NF1: variants seen among roughly 807,000 people sequenced by gnomAD.
NF1 encodes the protein neurofibromin.
Under a neutral mutation model 325.7 loss-of-function variants are expected in NF1, and 122 were observed. The ratio of observed to expected loss-of-function variants is 0.37; its 90% confidence interval spans 0.32 to 0.44. The LOEUF is 0.44. Among genes scored for constraint, NF1 ranks in the 20% least tolerant of loss-of-function variants. The probability of loss-of-function intolerance (pLI) is 1.00; values close to 1 mark genes in which losing one functional copy is unlikely to be tolerated. For synonymous variants in NF1, 1,091 were observed against 1,186.0 expected (o/e 0.92, Z 1.65); for missense variants, 2,140 against 3,415.4 (o/e 0.63, Z 9.31).
intron 12 of NF1, among the ~76,000 whole-genome samples, 157 bp downstream of exon 12, chr17:31,206,528 A>ATAC (rs1176781508): frequency 3.3e-5 from 5 of 151,848 alleles, no homozygotes; most frequent in Non-Finnish European, 5.9e-5. Flanking sequence ...ATATTGTTGA[A>ATAC]TACTAGATTA....
intron 1 of NF1, among the ~76,000 whole-genome samples, chr17:31,131,552 T>A (rs959435963): frequency 2.6e-5 from 4 of 152,228 alleles, no homozygotes; most frequent in Non-Finnish European, 4.4e-5. Context: ...CCTGATCCTC[T>A]GGGAGATGTT....
At chr17:31,156,193 A>T (rs536552872) in intron 2 of NF1, 67 bp downstream of exon 2, 4 of 1,563,330 alleles carry the variant, frequency 2.6e-6, no homozygotes, top group Non-Finnish European at 1.8e-6. Flanking sequence ...AAAGTTTAGA[A>T]CAGCATATTT....
Position 31,225,584 on chromosome 17 carries a change from C to T in NF1, c.2001+334C>T, listed in dbSNP as rs73273599. Among the ~76,000 whole-genome samples the T allele has an allele frequency of 7.9e-3, 1,196 of 152,218 alleles. 21 individuals carry two copies. The highest frequency in any genetic ancestry group is 0.028 in the African/African-American group (1,146 of 41,534). The stretch of plus-strand genomic sequence containing the variant: ...CCACTCCATAAAAAACCCATTCATA[C>T]CACAGAAGTATAGAATTCGTACCGG... On this transcript the variant is annotated intron_variant, in intron 17 of 57. Transcript: ENST00000358273.
chr17:31,299,740 A>G (rs2068536664), intron 36 of NF1: 4 of 152,118 alleles, frequency 2.6e-5, no homozygotes, highest in Admixed American at 2.6e-4. Context: ...AGAAATAACA[A>G]CATAGAAATT....
At chr17:31,142,892 G>A (rs879666639) in intron 1 of NF1, among the ~76,000 whole-genome samples, 2 of 151,766 alleles carry the variant, frequency 1.3e-5, no homozygotes, top group Non-Finnish European at 2.9e-5. Flanking sequence ...TTATTAATGA[G>A]ATGGTCATAT....
chr17:31,358,344 C>T, intron 54 of NF1, 136 bp from the exon 55 acceptor site: 2 of 870,884 alleles, frequency 2.3e-6, no homozygotes, highest in Non-Finnish European at 3.6e-6. Context: ...GAAGAAATGC[C>T]CCAGAAAGTA....
At chr17:31,217,993 C>G (rs767448272) in intron 13 of NF1, among the ~76,000 whole-genome samples, 54 of 149,590 alleles carry the variant, frequency 3.6e-4, no homozygotes, top group Non-Finnish European at 5.6e-4. Flanking sequence ...CGTTAATTTT[C>G]TTTGCTTAGT....
rs149743607 is a variant in NF1, at chr17:31,263,120, T to TAGATAGATAGATA, written c.4724+1268_4724+1269insGATAGATAAGATA. Among the ~76,000 whole-genome samples, 22 of 95,766 alleles carry TAGATAGATAGATA rather than the reference T, an allele frequency of 2.3e-4. 1 individual carries two copies. The highest frequency in any genetic ancestry group is 5.5e-4 in the African/African-American group (20 of 36,684). The allele number at this position is 95,766 out of a possible 152,430, so 62.8% of individuals were successfully genotyped here. A position where few individuals can be genotyped will look rare whatever the true frequency, so the allele number is the denominator to read the frequency against. On this transcript the variant is annotated intron_variant, in intron 35 of 57. Transcript: ENST00000358273. The stretch of plus-strand genomic sequence containing the variant: ...GTAGGTAGGTAGGTAGATAGATAGA[T>TAGATAGATAGATA]AGATAAGATAAGATAAGATAAGATA...
intron 17 of NF1, among the ~76,000 whole-genome samples, chr17:31,226,026 A>C (rs931600878): frequency 2.6e-5 from 4 of 152,154 alleles, no homozygotes; most frequent in Admixed American, 6.5e-5. Flanking sequence ...TATAGCAAGT[A>C]GATAGAATTT....
At chr17:31,132,291 C>T (rs1373623262) in intron 1 of NF1, among the ~76,000 whole-genome samples, 1 of 152,040 alleles carries the variant, frequency 6.6e-6, no homozygotes, top group Admixed American at 6.5e-5. Flanking sequence ...CCTGTAATCC[C>T]AGCACTTTGC....
At chr17:31,259,212 T>A in intron 33 of NF1, 83 bp downstream of exon 33, 1 of 920,190 alleles carries the variant, frequency 1.1e-6, no homozygotes, top group Admixed American at 2.0e-5. Context: ...CTGTTTTACA[T>A]GAAGTTCCTG....
chr17:31,230,217 G>A (rs201271061), intron 22 of NF1, 43 bp from the exon 23 acceptor site: 3 of 1,604,752 alleles, frequency 1.9e-6, no homozygotes, highest in Non-Finnish European at 2.6e-6. Context: ...CTTCTCTTTT[G>A]TCTATATCTG....
intron 1 of NF1, among the ~76,000 whole-genome samples, chr17:31,124,976 T>TAA (rs565114032): frequency 1.2e-4 from 17 of 142,810 alleles, no homozygotes; most frequent in African/African-American, 3.8e-4. Flanking sequence ...AGTTTATACT[T>TAA]AAAAAAAAAA....
intron 27 of NF1, among the ~76,000 whole-genome samples, chr17:31,234,242 G>A (rs1489902594): frequency 6.6e-6 from 1 of 152,186 alleles, no homozygotes; most frequent in Non-Finnish European, 1.5e-5. Flanking sequence ...TCATTGATTA[G>A]CAACAGCCCC....
chr17:31,244,758 A>G (rs2067362170), intron 29 of NF1, among the ~76,000 whole-genome samples: 1 of 152,032 alleles, frequency 6.6e-6, no homozygotes, highest in South Asian at 2.1e-4. Flanking sequence ...CCTTAATATG[A>G]TGTTAAGACC....
At chr17:31,366,146 G>A (rs761104380) in intron 57 of NF1, among the ~76,000 whole-genome samples, 1 of 152,000 alleles carries the variant, frequency 6.6e-6, no homozygotes, top group Non-Finnish European at 1.5e-5. Flanking sequence ...TATTGGCCAT[G>A]CTGGTCTCGA....
chr17:31,125,783 A>G (rs532164643), intron 1 of NF1, among the ~76,000 whole-genome samples: 67 of 151,910 alleles, frequency 4.4e-4, no homozygotes, highest in African/African-American at 1.6e-3. Context: ...TGATCTGTCC[A>G]CCTCCGTCTC....
chr17:31,338,757 A>G lies in NF1; in HGVS notation c.6873A>G (p.Ile2291Met), dbSNP rs2151559258. 6.2e-7 allele frequency: 1 copy of G among 1,613,432 alleles called. No homozygotes were observed. The highest frequency in any genetic ancestry group is 1.1e-5 in the South Asian group (1 of 91,060). ...ACACTTACAACAGTCAAGTTCTGAT[A>G]GAAGCTACAGTAATAGCACTAACCA... ...GPDTYNSQVLIEATVIALTKL... is the reference protein window; with the variant it reads ...GPDTYNSQVLMEATVIALTKL... Residue 2291 changes from isoleucine (I) to methionine (M), a missense_variant, in exon 46 of 58, where the codon ATA becomes ATG. Physicochemically the swap from Ile to Met is conservative, Grantham distance 10. Coordinates refer to ENST00000358273, the MANE Select transcript of NF1 (RefSeq NM_001042492.3).
At chr17:31,335,203 T>G (rs913280765) in intron 40 of NF1, among the ~76,000 whole-genome samples, 172 bp downstream of exon 40, 4 of 112,444 alleles carry the variant, frequency 3.6e-5, no homozygotes, top group African/African-American at 1.1e-4. Flanking sequence ...GGTTCAAAAT[T>G]GTAAATGTCT....
Sources: allele counts gnomAD v4.1 joint callset (sites outside exome capture counted in the v4.1 genomes callset), GRCh38; gene constraint gnomAD v4.1.1; transcripts MANE v1.5; gene names NCBI Gene and HGNC (gene_info 2026-07-23, HGNC 2026-07-21).